The following CHST9 variants were observed in gnomAD, a reference collection of about 807,000 sequenced individuals.
CHST9 encodes the protein GalNAc-4-sulfotransferase 2.
A neutral mutation model predicts 44.4 loss-of-function variants in CHST9; 41 were observed. The observed-to-expected ratio is 0.92, with a 90% CI of 0.72 to 1.20. The LOEUF is 1.20. Among genes scored for constraint, CHST9 ranks in the 50% most tolerant of loss-of-function variants. The pLI is 0.00. For missense variants in CHST9, 504 were observed against 516.5 expected, an observed-to-expected ratio of 0.98 and a Z score of 0.23; for synonymous variants, 171 against 178.4, an observed-to-expected ratio of 0.96 and a Z score of 0.33.
At chr18:27,092,754 T>C (rs1407195670) in intron 2 of CHST9, among the ~76,000 whole-genome samples, 1 of 152,204 alleles carries the variant, frequency 6.6e-6, no homozygotes, top group Non-Finnish European at 1.5e-5. Flanking sequence ...AGTTGAGCAG[T>C]TTTGAGTGAG....
At chr18:27,012,362 G>C (rs928500381) in intron 4 of CHST9, among the ~76,000 whole-genome samples, 3 of 152,240 alleles carry the variant, frequency 2.0e-5, no homozygotes, top group Admixed American at 2.0e-4. Context: ...AATAAAGTAA[G>C]CTAGAGAAAA....
chr18:26,982,554 G>A (rs1224406446), intron 4 of CHST9, among the ~76,000 whole-genome samples: 1 of 152,144 alleles, frequency 6.6e-6, no homozygotes, highest in Non-Finnish European at 1.5e-5. Context: ...CACCGTTCCA[G>A]ACCTTACTGG....
intron 2 of CHST9, among the ~76,000 whole-genome samples, chr18:27,137,298 T>TTATA (rs1270740064): frequency 8.5e-5 from 3 of 35,282 alleles, no homozygotes; most frequent in African/African-American, 3.8e-4. Context: ...ATTGATTTAT[T>TTATA]TATATATGTG....
At chr18:27,145,230 C>T (rs542859308) in intron 1 of CHST9, among the ~76,000 whole-genome samples, 3 of 152,106 alleles carry the variant, frequency 2.0e-5, no homozygotes, top group East Asian at 1.9e-4. Flanking sequence ...TTCACTCTGT[C>T]GCCCAGGCTG....
intron 2 of CHST9, among the ~76,000 whole-genome samples, chr18:27,124,016 A>C (rs1011113016): frequency 1.3e-5 from 2 of 152,232 alleles, no homozygotes; most frequent in Non-Finnish European, 2.9e-5. Context: ...AGGAGCTGAC[A>C]GAAAGGAAAG....
At chr18:27,096,357 T>A (rs1303322721) in intron 2 of CHST9, among the ~76,000 whole-genome samples, 1 of 151,298 alleles carries the variant, frequency 6.6e-6, no homozygotes, top group African/African-American at 2.4e-5. Context: ...TGATCTAGTA[T>A]CAAATTTCAA....
chr18:26,990,672 T>C lies in CHST9; in HGVS notation c.202+33444A>G, dbSNP rs140190670. 3.7e-3 allele frequency among the ~76,000 whole-genome samples: 567 copies of C among 152,354 alleles called. 2 individuals are homozygous for C. Among genetic ancestry groups the C allele is most frequent in the African/African-American group, 0.013 (545 of 41,586 alleles). Reference sequence around the variant, plus strand: ...GCTGTGTCTTCCCTGCAAGACTATGTGTGCCTCATTCCTTTGTGTCTCATT... The same window carrying C: ...GCTGTGTCTTCCCTGCAAGACTATGCGTGCCTCATTCCTTTGTGTCTCATT... On this transcript the variant is annotated intron_variant, in intron 4 of 5. Transcript: ENST00000618847.
At chr18:26,998,454 G>A (rs1023034168) in intron 4 of CHST9, among the ~76,000 whole-genome samples, 10 of 152,198 alleles carry the variant, frequency 6.6e-5, no homozygotes, top group South Asian at 4.1e-4. Context: ...GGCTGGGTGC[G>A]ATGGCTCATG....
intron 2 of CHST9, among the ~76,000 whole-genome samples, 181 bp from the exon 3 acceptor site, chr18:27,048,684 T>C (rs2057532581): frequency 6.6e-6 from 1 of 152,160 alleles, no homozygotes; most frequent in African/African-American, 2.4e-5. Flanking sequence ...AACCAATTTA[T>C]GAAAGTAAAA....
chr18:27,033,778 C>A (rs1032187834), intron 3 of CHST9, among the ~76,000 whole-genome samples: 1 of 152,094 alleles, frequency 6.6e-6, no homozygotes. Context: ...TAAGAATGTG[C>A]CCAGAGCACA....
chr18:26,922,822 G>T (rs1242954629), intron 5 of CHST9, among the ~76,000 whole-genome samples: 2 of 152,066 alleles, frequency 1.3e-5, no homozygotes, highest in African/African-American at 4.8e-5. Flanking sequence ...TTTTAGTAGA[G>T]ACGGGGTCTC....
At chr18:27,135,150 A>G (rs970639053) in intron 2 of CHST9, among the ~76,000 whole-genome samples, 1 of 152,206 alleles carries the variant, frequency 6.6e-6, no homozygotes, top group Non-Finnish European at 1.5e-5. Flanking sequence ...GTTGTGTACC[A>G]TAAGTGTATA....
At chr18:26,943,324 A>C (rs2056111834) in intron 5 of CHST9, among the ~76,000 whole-genome samples, 1 of 152,226 alleles carries the variant, frequency 6.6e-6, no homozygotes, top group South Asian at 2.1e-4. Flanking sequence ...GACTATTTTG[A>C]AAGCTTGATG....
At chr18:27,122,774 C>T (rs1017689506) in intron 2 of CHST9, among the ~76,000 whole-genome samples, 1 of 152,006 alleles carries the variant, frequency 6.6e-6, no homozygotes, top group Non-Finnish European at 1.5e-5. Context: ...GCAGGAGTGC[C>T]AAGGTTTATT....
At chr18:27,030,382 A>G (rs190786532) in intron 3 of CHST9, among the ~76,000 whole-genome samples, 44 of 152,358 alleles carry the variant, frequency 2.9e-4, no homozygotes, top group Non-Finnish European at 1.8e-4. Context: ...TTGGAAGGAG[A>G]TTACAAGCCA....
chr18:26,917,396 G>A, intron 5 of CHST9, 46 bp from the exon 6 acceptor site: 1 of 1,573,618 alleles, frequency 6.4e-7, no homozygotes. Flanking sequence ...AGTCACGAGT[G>A]TGGGTATACT....
At chr18:27,141,757 A>AG (rs1421947992) in intron 2 of CHST9, among the ~76,000 whole-genome samples, 1 of 151,440 alleles carries the variant, frequency 6.6e-6, no homozygotes, top group African/African-American at 2.4e-5. Flanking sequence ...AAAAAAAAAA[A>AG]AAAGAAAATG....
intron 4 of CHST9, among the ~76,000 whole-genome samples, chr18:26,961,133 C>T (rs2056393204): frequency 6.6e-6 from 1 of 152,160 alleles, no homozygotes; most frequent in Non-Finnish European, 1.5e-5. Context: ...GTGATGAACT[C>T]AAGCCTCACT....
chr18:27,047,558 C>T (rs1398181572), intron 3 of CHST9, among the ~76,000 whole-genome samples: 1 of 152,044 alleles, frequency 6.6e-6, no homozygotes, highest in Non-Finnish European at 1.5e-5. Flanking sequence ...GAAGCTTATG[C>T]TGTTTATACA....
Sources: allele counts gnomAD v4.1 joint callset (sites outside exome capture counted in the v4.1 genomes callset), GRCh38; gene constraint gnomAD v4.1.1; transcripts MANE v1.5; gene names NCBI Gene and HGNC (gene_info 2026-07-23, HGNC 2026-07-21).